SRGAP2B: variants seen among roughly 807,000 people sequenced by gnomAD.
SRGAP2B encodes SLIT-ROBO Rho GTPase-activating protein 2B.
SRGAP2B carries 9 observed loss-of-function variants against 22.2 expected under a neutral mutation model. That is an observed-to-expected ratio of 0.41 (90% CI 0.24 to 0.71). SRGAP2B has a LOEUF of 0.71. Among genes scored for constraint, SRGAP2B ranks in the 30% least tolerant of loss-of-function variants. The probability of loss-of-function intolerance (pLI) is 0.35; values close to 1 mark genes in which losing one functional copy is unlikely to be tolerated. For synonymous variants in SRGAP2B, 36 were observed against 87.4 expected (o/e 0.41, Z 3.28); for missense variants, 114 against 235.8 (o/e 0.48, Z 3.38).
At chr1:145,024,986 C>A (rs1647563873) in intron 2 of SRGAP2B, among the ~76,000 whole-genome samples, 1 of 148,642 alleles carries the variant, frequency 6.7e-6, no homozygotes, top group Non-Finnish European at 1.5e-5. Flanking sequence ...AACTTCAACC[C>A]ATAAATTCTC....
chr1:144,983,185 C>A (rs1669434350), intron 3 of SRGAP2B, among the ~76,000 whole-genome samples: 1 of 143,782 alleles, frequency 7.0e-6, no homozygotes, highest in South Asian at 2.2e-4. Flanking sequence ...CAATGAGGAA[C>A]CTTCTGGTCT....
intron 2 of SRGAP2B, among the ~76,000 whole-genome samples, chr1:145,017,595 T>G (rs1672517637): frequency 6.8e-6 from 1 of 147,372 alleles, no homozygotes; most frequent in African/African-American, 2.6e-5. Context: ...CACTGTATTA[T>G]GACACTCAGT....
intron 4 of SRGAP2B, among the ~76,000 whole-genome samples, chr1:144,925,792 A>AAAGAAAGG (rs1570756737): frequency 4.3e-4 from 38 of 88,978 alleles, no homozygotes; most frequent in Middle Eastern, 0.011. Flanking sequence ...AGAAAGAAAG[A>AAAGAAAGG]AAGGAGAGAG....
At chr1:144,932,607 T>C (rs1169705511) in intron 4 of SRGAP2B, among the ~76,000 whole-genome samples, 2 of 141,314 alleles carry the variant, frequency 1.4e-5, no homozygotes, top group African/African-American at 2.8e-5. Flanking sequence ...CTAAATATTC[T>C]GGAGGAGTTG....
intron 4 of SRGAP2B, among the ~76,000 whole-genome samples, 196 bp downstream of exon 4, chr1:144,955,238 CTTTTA>C (rs1667170133): frequency 6.7e-6 from 1 of 148,830 alleles, no homozygotes; most frequent in Non-Finnish European, 1.5e-5. Context: ...GATATTCTTT[CTTTTA>C]TTTTTTCTTT....
At chr1:144,983,962 C>T (rs1553615412) in intron 3 of SRGAP2B, among the ~76,000 whole-genome samples, 5 of 150,630 alleles carry the variant, frequency 3.3e-5, no homozygotes, top group East Asian at 2.0e-4. Flanking sequence ...ACTTAAAATC[C>T]AAAACCAAAT....
At chr1:144,971,150 G>A (rs1206229091) in intron 3 of SRGAP2B, among the ~76,000 whole-genome samples, 1 of 143,248 alleles carries the variant, frequency 7.0e-6, no homozygotes, top group Non-Finnish European at 1.5e-5. Context: ...TTTTTTTTGA[G>A]ACGGAGTTTC....
intron 3 of SRGAP2B, among the ~76,000 whole-genome samples, chr1:144,984,358 A>ACAG (rs1399950063): frequency 7.6e-6 from 1 of 132,344 alleles, no homozygotes; most frequent in African/African-American, 2.8e-5. Flanking sequence ...AACAACAACA[A>ACAG]CAACAACAAA....
At chr1:144,951,786 C>CT (rs1308302908) in intron 4 of SRGAP2B, among the ~76,000 whole-genome samples, 4 of 139,920 alleles carry the variant, frequency 2.9e-5, no homozygotes, top group Admixed American at 7.1e-5. Context: ...ATTAAGGTAT[C>CT]TTTTCTAAGC....
At chr1:144,925,720 GAGAAAGAAAAGAA>G in intron 4 of SRGAP2B, among the ~76,000 whole-genome samples, 1 of 122,064 alleles carries the variant, frequency 8.2e-6, no homozygotes, top group African/African-American at 3.1e-5. Context: ...GAGAGAGAGA[GAGAAAGAAAAGAA>G]AGAAAGAAAG....
chr1:144,966,229 G>C (rs1212331416), intron 3 of SRGAP2B, among the ~76,000 whole-genome samples: 1 of 149,566 alleles, frequency 6.7e-6, no homozygotes, highest in Non-Finnish European at 1.5e-5. Flanking sequence ...AAATGTTAAG[G>C]GCAGCCAGAG....
intron 2 of SRGAP2B, among the ~76,000 whole-genome samples, chr1:145,076,263 G>C (rs1173584513): frequency 6.7e-6 from 1 of 149,244 alleles, no homozygotes; most frequent in Non-Finnish European, 1.5e-5. Flanking sequence ...CTGGGCTCAA[G>C]AGATTCTCCT....
At chr1:144,911,714 T>C (rs1198041467) in intron 5 of SRGAP2B, among the ~76,000 whole-genome samples, 2 of 147,556 alleles carry the variant, frequency 1.4e-5, no homozygotes, top group Non-Finnish European at 3.0e-5. Context: ...GCCTCCTGGG[T>C]TCATGCCATT....
At chr1:145,013,006 C>T (rs1672170068) in intron 2 of SRGAP2B, among the ~76,000 whole-genome samples, 1 of 150,586 alleles carries the variant, frequency 6.6e-6, no homozygotes, top group Admixed American at 6.6e-5. Flanking sequence ...CTGCTTGAGC[C>T]CACAAGGCAA....
intron 3 of SRGAP2B, among the ~76,000 whole-genome samples, chr1:144,972,832 T>C (rs1570896770): frequency 1.4e-5 from 2 of 142,360 alleles, no homozygotes; most frequent in South Asian, 4.5e-4. Context: ...GTAGCCTGGA[T>C]GCAGTGCCTC....
rs1418347583 is a variant in SRGAP2B, at chr1:144,907,164, CATGTGTGTGT to C, written c.487-1100_487-1091del. On this transcript the variant is annotated intron_variant, in intron 5 of 9. Transcript: ENST00000612199. ...GTGTGTGTGTGTGTGTGTGTGTGTG[CATGTGTGTGT>C]GTAACACAGGAGTGCAAAGGTACAA... 4.5e-4 allele frequency among the ~76,000 whole-genome samples: 67 copies of C among 148,054 alleles called. No individual in the cohort carries two copies. In the East Asian group the frequency reaches 0.013, roughly 28 times the overall value.
intron 2 of SRGAP2B, among the ~76,000 whole-genome samples, chr1:145,047,147 G>C (rs1286351356): frequency 7.7e-6 from 1 of 129,298 alleles, no homozygotes; most frequent in Admixed American, 8.1e-5. Flanking sequence ...CTGCACCCCA[G>C]ACTGGGCAAC....
chr1:144,966,491 G>A (rs1668092267), intron 3 of SRGAP2B, among the ~76,000 whole-genome samples: 1 of 147,168 alleles, frequency 6.8e-6, no homozygotes, highest in Non-Finnish European at 1.5e-5. Flanking sequence ...CCTGAAGGAA[G>A]TGCTAAACGT....
chr1:144,910,726 C>A (rs1163604353), intron 5 of SRGAP2B, among the ~76,000 whole-genome samples: 1 of 71,772 alleles, frequency 1.4e-5, no homozygotes, highest in African/African-American at 6.5e-5. Flanking sequence ...CCTCTGAGTA[C>A]AACTGAGGCA....
Sources: gnomAD v4.1 joint callset for allele counts (sites outside exome capture counted in the v4.1 genomes callset) on GRCh38, gnomAD v4.1.1 for gene constraint, MANE v1.5 for transcripts, NCBI Gene and HGNC (gene_info 2026-07-23, HGNC 2026-07-21) for gene names.